Variants in GAB1 observed in about 807,000 individuals in gnomAD.
The protein encoded by GAB1 is GRB2 associated binding protein 1, also known as GRB2-associated-binding protein 1.
Under a neutral mutation model 66.5 loss-of-function variants are expected in GAB1, and 19 were observed. The ratio of observed to expected loss-of-function variants is 0.29; its 90% CI spans 0.20 to 0.42. The LOEUF (loss-of-function observed/expected upper bound fraction) is 0.42. Ranked by LOEUF, GAB1 falls within the 10% of genes least tolerant of loss-of-function variation. The pLI is 1.00. For missense variants in GAB1, 732 were observed against 858.5 expected (o/e 0.85, Z 1.84); for synonymous variants, 294 against 301.4 (o/e 0.98, Z 0.25).
intron 1 of GAB1, among the ~76,000 whole-genome samples, chr4:143,390,306 C>A (rs1731120690): frequency 6.6e-6 from 1 of 151,770 alleles, no homozygotes; most frequent in East Asian, 1.9e-4. Flanking sequence ...TAATTTATAT[C>A]CCTTAATTTT....
chr4:143,352,262 A>T (rs1278945560), intron 1 of GAB1, among the ~76,000 whole-genome samples: 1 of 152,174 alleles, frequency 6.6e-6, no homozygotes, highest in Non-Finnish European at 1.5e-5. Context: ...TATAAATTAC[A>T]TGTAATCAAG....
chr4:143,366,384 T>C (rs939790986), intron 1 of GAB1, among the ~76,000 whole-genome samples: 8 of 152,178 alleles, frequency 5.3e-5, no homozygotes, highest in Admixed American at 5.2e-4. Context: ...AACAAACCAT[T>C]TAATTCTAGC....
At chr4:143,363,627 T>C (rs1053976848) in intron 1 of GAB1, among the ~76,000 whole-genome samples, 6 of 152,148 alleles carry the variant, frequency 3.9e-5, no homozygotes, top group Non-Finnish European at 5.9e-5. Context: ...TGCTCGCCTC[T>C]GTAGTTTGAA....
At chr4:143,448,903 T>G (rs1282213936) in intron 6 of GAB1, among the ~76,000 whole-genome samples, 1 of 151,846 alleles carries the variant, frequency 6.6e-6, no homozygotes, top group Non-Finnish European at 1.5e-5. Context: ...TTTGGATCTT[T>G]CCTGCTTTCT....
chr4:143,441,383 A>G (rs1490142894), intron 6 of GAB1, among the ~76,000 whole-genome samples: 1 of 152,242 alleles, frequency 6.6e-6, no homozygotes, highest in Non-Finnish European at 1.5e-5. Context: ...TGCTATATGT[A>G]GCTTTTTAAG....
At chr4:143,361,850 CT>C (rs1729673738) in intron 1 of GAB1, among the ~76,000 whole-genome samples, 1 of 151,966 alleles carries the variant, frequency 6.6e-6, no homozygotes, top group East Asian at 1.9e-4. Context: ...TGACTGCAGT[CT>C]GATTGCAGGG....
rs374296210 is a variant in GAB1 at position 143,337,171 on chromosome 4, G to T, written c.-18G>T. On this transcript the variant is annotated 5_prime_UTR_variant, in exon 1 of 10. Coordinates refer to ENST00000262994, the MANE Select transcript of GAB1 (RefSeq NM_002039.4). ...CCGCCCCTCAGCTGCCCGGCCCGGA[G>T]CCCGAGACGCGCGCACCATGAGCGG... 328 of 1,565,804 alleles carry T rather than the reference G, an allele frequency of 2.1e-4. No individual in the cohort carries two copies. The highest frequency in any genetic ancestry group is 2.7e-4 in the Non-Finnish European group (307 of 1,154,912).
chr4:143,437,283 C>T (rs1046579452), intron 3 of GAB1, among the ~76,000 whole-genome samples: 3 of 152,112 alleles, frequency 2.0e-5, no homozygotes, highest in Non-Finnish European at 2.9e-5. Context: ...TTCATCTTGT[C>T]GTATACCCAA....
At chr4:143,406,100 A>G (rs1285253800) in intron 1 of GAB1, among the ~76,000 whole-genome samples, 1 of 152,146 alleles carries the variant, frequency 6.6e-6, no homozygotes, top group African/African-American at 2.4e-5. Context: ...GCCATTTTCT[A>G]GGATGTGGGA....
intron 1 of GAB1, among the ~76,000 whole-genome samples, chr4:143,406,608 C>T (rs28743166): frequency 0.063 from 9,579 of 152,314 alleles, 403 homozygotes; most frequent in African/African-American, 0.11. Context: ...CCTCTGCCCA[C>T]ATCCTGACCT....
At chr4:143,390,751 AT>A (rs1290140722) in intron 1 of GAB1, among the ~76,000 whole-genome samples, 1 of 152,202 alleles carries the variant, frequency 6.6e-6, no homozygotes, top group East Asian at 1.9e-4. Context: ...AAGGGTAAGC[AT>A]TCCAGGCTTG....
rs529621780 is a variant in GAB1 at position 143,460,061 on chromosome 4, G to T, written c.1680-303G>T. 9.2e-5 allele frequency among the ~76,000 whole-genome samples: 14 copies of T among 152,042 alleles called. 1 individual carries two copies. In the South Asian group the frequency reaches 2.3e-3, roughly 25 times the overall value. The stretch of plus-strand genomic sequence containing the variant: ...TGTGTATATAGTTTTTAAAAAAATA[G>T]AAATTCTTAAGTCTTCCATTTTATA... On this transcript the variant is annotated intron_variant, in intron 7 of 9. Coordinates refer to ENST00000262994, the MANE Select transcript of GAB1 (RefSeq NM_002039.4).
At chr4:143,465,748 G>A (rs933521326) in intron 8 of GAB1, among the ~76,000 whole-genome samples, 1 of 152,048 alleles carries the variant, frequency 6.6e-6, no homozygotes, top group South Asian at 2.1e-4. Context: ...AACGTAGAAA[G>A]TTTTTTTAAA....
chr4:143,465,766 T>G lies in GAB1; in HGVS notation c.1804-337T>G, dbSNP rs184388164. On this transcript the variant is annotated intron_variant, in intron 8 of 9. Transcript: ENST00000262994. ...GTAGAAAGTTTTTTTAAAATTTAAC[T>G]TGAAAGCAAGGAATATAAAGATCCT... Among the ~76,000 whole-genome samples the G allele has an allele frequency of 2.0e-5, 3 of 152,294 alleles. No individual in the cohort carries two copies. The East Asian group carries it at 5.8e-4, about 29-fold the overall frequency.
chr4:143,379,078 C>T (rs1328040343), intron 1 of GAB1, among the ~76,000 whole-genome samples: 1 of 152,118 alleles, frequency 6.6e-6, no homozygotes, highest in Non-Finnish European at 1.5e-5. Flanking sequence ...GACTCAGTGG[C>T]CATTGCAGAC....
At position 143,367,962 on chromosome 4, in the gene GAB1, CA is replaced by C. The variant is rs1360334076; in HGVS notation, c.72+30703del. ...CTGGTCTCAAACTCCTGACCTCAGT[CA>C]GTCCATCCGCCTCAGCCTCCCAAAG... On this transcript the variant is annotated intron_variant, in intron 1 of 9. Transcript: ENST00000262994. Among the ~76,000 whole-genome samples, 13 of 151,994 alleles carry C rather than the reference CA, an allele frequency of 8.6e-5. No individual in the cohort carries two copies. In the East Asian group the frequency reaches 2.3e-3, roughly 27 times the overall value.
At chr4:143,391,549 T>G (rs1381625217) in intron 1 of GAB1, 3 of 151,798 alleles carry the variant, frequency 2.0e-5, no homozygotes, top group Admixed American at 2.0e-4. Context: ...AACTTTTTCT[T>G]GGGAGCAAGG....
intron 1 of GAB1, among the ~76,000 whole-genome samples, chr4:143,390,410 T>G (rs1436640747): frequency 2.6e-5 from 4 of 151,008 alleles, no homozygotes; most frequent in South Asian, 4.2e-4. Flanking sequence ...ATAAGTAGGG[T>G]TTTTTTTGTT....
At chr4:143,458,437 A>G (rs1490182563) in intron 6 of GAB1, among the ~76,000 whole-genome samples, 1 of 152,126 alleles carries the variant, frequency 6.6e-6, no homozygotes. Context: ...GACAAAGACT[A>G]TAAATAAATC....
Sources: allele counts gnomAD v4.1 joint callset (sites outside exome capture counted in the v4.1 genomes callset), GRCh38; gene constraint gnomAD v4.1.1; transcripts MANE v1.5; gene names NCBI Gene and HGNC (gene_info 2026-07-23, HGNC 2026-07-21).